Variants in CASK observed in about 807,000 individuals in gnomAD.
CASK encodes the protein calcium/calmodulin dependent serine protein kinase.
CASK carries 4 observed loss-of-function variants against 82.9 expected under a neutral mutation model. The ratio of observed to expected loss-of-function variants is 0.05; its 90% CI spans 0.02 to 0.11. The LOEUF (loss-of-function observed/expected upper bound fraction) is 0.11. CASK is among the 10% of genes least tolerant of loss of function. The pLI is 1.00. For synonymous variants in CASK, 259 were observed against 253.5 expected (o/e 1.02, Z -0.20); for missense variants, 358 against 720.9 (o/e 0.50, Z 5.76).
chrX:41,874,808 G>C (rs1004112149), intron 1 of CASK, among the ~76,000 whole-genome samples: 1 of 112,302 alleles, frequency 8.9e-6, no homozygotes, highest in African/African-American at 3.2e-5. Flanking sequence ...CTCAACTCTA[G>C]TAGATAAAAT....
chrX:41,529,453 C>G, intron 25 of CASK: 1 of 161,259 alleles, frequency 6.2e-6, no homozygotes, highest in Non-Finnish European at 1.2e-5. Flanking sequence ...GCAGAAAGCC[C>G]TCGAAAGTGG....
chrX:41,547,442 G>T (rs1423620106), intron 21 of CASK, among the ~76,000 whole-genome samples: 1 of 110,614 alleles, frequency 9.0e-6, no homozygotes. Flanking sequence ...ATGTCTCTCT[G>T]TCCTTTGTAT....
intron 2 of CASK, among the ~76,000 whole-genome samples, chrX:41,829,357 T>C (rs1328539263): frequency 9.1e-6 from 1 of 109,915 alleles, no homozygotes; most frequent in Admixed American, 9.8e-5. Context: ...TTTTGTACTT[T>C]ATATAAATGG....
chrX:41,820,352 CT>C (rs757123445), intron 2 of CASK, among the ~76,000 whole-genome samples: 27 of 111,210 alleles, frequency 2.4e-4, no homozygotes, highest in Non-Finnish European at 4.9e-4. Context: ...CAAGAATCAA[CT>C]GTATTTCTAT....
rs771779534 is a variant in CASK, at chrX:41,742,651, C to A, written c.356+2873G>T. Among the ~76,000 whole-genome samples, 3 of 111,917 alleles carry A rather than the reference C, an allele frequency of 2.7e-5. 1 individual carries two copies. In the South Asian group the frequency reaches 1.1e-3, roughly 42 times the overall value. The stretch of plus-strand genomic sequence containing the variant: ...CTCAGAGTCTTCTTGCAGTCGGTCT[C>A]ACTAGAATACTGATACAAGCTGAAT... On this transcript the variant is annotated intron_variant, in intron 4 of 26. Coordinates refer to ENST00000378163, the MANE Select transcript of CASK (RefSeq NM_001367721.1).
At chrX:41,842,022 A>T (rs1347657360) in intron 2 of CASK, among the ~76,000 whole-genome samples, 1 of 111,518 alleles carries the variant, frequency 9.0e-6, no homozygotes, top group Non-Finnish European at 1.9e-5. Flanking sequence ...TAGATCTTTG[A>T]TCTACTTTGA....
At chrX:41,676,066 A>T in intron 5 of CASK, 3 of 1,196,638 alleles carry the variant, frequency 2.5e-6, no homozygotes, top group Non-Finnish European at 3.4e-6. Context: ...GTTGTGACTG[A>T]TCCACAATCC....
chrX:41,888,766 T>C (rs143421967), intron 1 of CASK, among the ~76,000 whole-genome samples: 1,058 of 95,868 alleles, frequency 0.011, 14 homozygotes, highest in African/African-American at 0.035. Context: ...TGTATGTGTA[T>C]ATATGTATAT....
At chrX:41,779,565 G>A (rs1399259139) in intron 3 of CASK, among the ~76,000 whole-genome samples, 5 of 111,538 alleles carry the variant, frequency 4.5e-5, no homozygotes, top group Admixed American at 9.6e-5. Flanking sequence ...TTGATACTGT[G>A]AGTCAAAAGA....
chrX:41,830,074 A>G (rs1163005034), intron 2 of CASK, among the ~76,000 whole-genome samples: 1 of 107,518 alleles, frequency 9.3e-6, no homozygotes, highest in South Asian at 4.2e-4. Context: ...ATCACGGCTC[A>G]CTGCAGCCTC....
chrX:41,599,680 G>C (rs1333825202), intron 12 of CASK, among the ~76,000 whole-genome samples: 1 of 112,252 alleles, frequency 8.9e-6, no homozygotes, highest in Non-Finnish European at 1.9e-5. Flanking sequence ...ACATAGGCCA[G>C]TGTGGCAGAT....
chrX:41,893,469 T>C (rs1052081726), intron 1 of CASK, among the ~76,000 whole-genome samples: 1 of 112,271 alleles, frequency 8.9e-6, no homozygotes, highest in Non-Finnish European at 1.9e-5. Context: ...AGCTCTGACA[T>C]ACTTGGGGGT....
chrX:41,852,927 C>T (rs2071293810), intron 2 of CASK, among the ~76,000 whole-genome samples, 188 bp downstream of exon 2: 1 of 111,094 alleles, frequency 9.0e-6, no homozygotes. Flanking sequence ...TGTAAATTAC[C>T]CTGTCTTTCA....
At chrX:41,565,910 G>A (rs1234244287) in intron 16 of CASK, among the ~76,000 whole-genome samples, 1 of 111,627 alleles carries the variant, frequency 9.0e-6, no homozygotes, top group Non-Finnish European at 1.9e-5. Flanking sequence ...CTTCATCCCT[G>A]GGATGCAAGG....
intron 3 of CASK, among the ~76,000 whole-genome samples, chrX:41,773,696 C>G (rs190890943): frequency 1.3e-3 from 147 of 111,890 alleles, no homozygotes; most frequent in African/African-American, 4.5e-3. Flanking sequence ...GGCTACAAAC[C>G]TACATAGCAT....
chrX:41,729,449 T>C lies in CASK; in HGVS notation c.429+9935A>G, dbSNP rs561449918. On this transcript the variant is annotated intron_variant, in intron 5 of 26. Transcript: ENST00000378163. Reference sequence around the variant, plus strand: ...AAATATTGAAGTGGGCTGGGTGCGGTGGCTCATGCCTGTAATCCCAGCACT... The same window carrying C: ...AAATATTGAAGTGGGCTGGGTGCGGCGGCTCATGCCTGTAATCCCAGCACT... 760 of 121,565 alleles carry C rather than the reference T, an allele frequency of 6.3e-3. 8 individuals carry two copies. The highest frequency in any genetic ancestry group is 1.0e-2 in the Non-Finnish European group (528 of 52,915). The allele number at this position is 121,565 out of a possible 1,213,427, so 10.0% of individuals were successfully genotyped here. A position where few individuals can be genotyped will look rare whatever the true frequency, so the allele number is the denominator to read the frequency against.
chrX:41,692,510 G>T (rs889243751), intron 5 of CASK, among the ~76,000 whole-genome samples: 1 of 112,793 alleles, frequency 8.9e-6, no homozygotes, highest in Non-Finnish European at 1.9e-5. Context: ...TTAAAAGGAG[G>T]CAACATCTGT....
At chrX:41,599,533 T>A (rs2065866575) in intron 12 of CASK, among the ~76,000 whole-genome samples, 1 of 112,179 alleles carries the variant, frequency 8.9e-6, no homozygotes, top group Non-Finnish European at 1.9e-5. Context: ...GTTTTATTTG[T>A]CTGTATACAG....
rs746941740 is a variant in CASK, at chrX:41,775,548, G to C, written c.278+11630C>G. On this transcript the variant is annotated intron_variant, in intron 3 of 26. Transcript: ENST00000378163. ...TCCCATTACTGGGTATATACCCAAA[G>C]GACTATAAATCATGCTGCTATAAAG... is the stretch of plus-strand genomic sequence containing the variant. 1.8e-3 allele frequency among the ~76,000 whole-genome samples: 190 copies of C among 105,590 alleles called. 3 individuals are homozygous for C. Among genetic ancestry groups the C allele is most frequent in the Admixed American group, 0.017 (170 of 9,873 alleles). The allele number at this position is 105,590 out of a possible 115,157, so 91.7% of individuals were successfully genotyped here.
Sources: allele counts gnomAD v4.1 joint callset (sites outside exome capture counted in the v4.1 genomes callset), GRCh38; gene constraint gnomAD v4.1.1; transcripts MANE v1.5; gene names NCBI Gene and HGNC (gene_info 2026-07-23, HGNC 2026-07-21).